RPAP3: variants seen among roughly 807,000 people sequenced by gnomAD.
RPAP3 encodes the protein RNA polymerase II associated protein 3, also known as RNA polymerase II-associated protein 3.
A neutral mutation model predicts 88.8 loss-of-function variants in RPAP3; 58 were observed. The observed-to-expected ratio is 0.65, with a 90% CI of 0.53 to 0.81. RPAP3 has a LOEUF of 0.81. RPAP3 is among the 40% of genes least tolerant of loss of function. The pLI is 0.00. For missense variants in RPAP3, 751 were observed against 764.3 expected (o/e 0.98, Z 0.20); for synonymous variants, 255 against 259.9 (o/e 0.98, Z 0.18).
chr12:47,679,425 G>T (rs946132498), intron 12 of RPAP3, 68 bp downstream of exon 12: 8 of 1,010,640 alleles, frequency 7.9e-6, no homozygotes, highest in African/African-American at 1.6e-5. Context: ...TAATACAATA[G>T]TTGGTTTCCA....
intron 10 of RPAP3, among the ~76,000 whole-genome samples, chr12:47,680,843 A>T (rs554171234): frequency 0.02 from 1,888 of 96,282 alleles, 42 homozygotes; most frequent in African/African-American, 0.076. Flanking sequence ...AGAGTTTTTT[A>T]AAAAAAAAAA....
chr12:47,667,811 T>C lies in RPAP3; in HGVS notation c.1754A>G (p.Asn585Ser). 6.2e-7 allele frequency: 1 copy of C among 1,608,334 alleles called. No homozygotes were observed. The highest frequency in any genetic ancestry group is 1.1e-5 in the South Asian group (1 of 90,064). The change falls in exon 15 of 17, where the codon AAT (asparagine) becomes AGT (serine). Residue 585 changes from asparagine to serine, a missense_variant. Physicochemically the swap from Asn to Ser is conservative, Grantham distance 46 (BLOSUM62 1). Transcript: ENST00000005386. ...PSLYPKLFQKNLDPDVFNQIV... is the reference protein window; with the variant it reads ...PSLYPKLFQKSLDPDVFNQIV... ...CTGGTTGAATACATCTGGATCCAGA[T>C]TTTTCTGAAACAACTTAGGATACAA...
intron 1 of RPAP3, among the ~76,000 whole-genome samples, chr12:47,705,491 C>T (rs535556200): frequency 3.3e-5 from 5 of 152,364 alleles, no homozygotes; most frequent in South Asian, 2.1e-4. Context: ...TCACCCATCA[C>T]CGCTGCTGCT....
Position 47,688,328 on chromosome 12 carries a change from G to A in RPAP3, c.739-327C>T, listed in dbSNP as rs11830377. On this transcript the variant is annotated intron_variant, in intron 7 of 16. Coordinates refer to ENST00000005386, the MANE Select transcript of RPAP3 (RefSeq NM_024604.3). ...AACAGACACTATAGACTACCTGTTG[G>A]GGAGAGAAACATTGGGGTGGGGAGG... Among the ~76,000 whole-genome samples the A allele has an allele frequency of 6.0e-3, 914 of 151,920 alleles. 12 individuals carry two copies. The highest frequency in any genetic ancestry group is 0.021 in the African/African-American group (860 of 41,418).
At position 47,687,943 on chromosome 12, in the gene RPAP3, G is replaced by T. The variant is rs1286245368; in HGVS notation, c.797C>A (p.Thr266Lys). The change falls in exon 8 of 17, where the codon ACA becomes AAA. Residue 266 changes from threonine (T) to lysine (K), a missense_variant. Coordinates refer to ENST00000005386, the MANE Select transcript of RPAP3 (RefSeq NM_024604.3). Reference protein sequence around the residue: ...PKEADIVIKSTEGERKQIEAQ... With the variant: ...PKEADIVIKSKEGERKQIEAQ... ...TTCAATTTGCTTTCGCTCTCCTTCT[G>T]TTGACTTAATCACTATGTCAGCTTC... is the stretch of plus-strand genomic sequence containing the variant. 1.9e-6 allele frequency: 3 copies of T among 1,613,484 alleles called. No individual in the cohort carries two copies. The highest frequency in any genetic ancestry group is 2.7e-5 in the African/African-American group (2 of 74,886).
chr12:47,672,061 T>C (rs1939010320), intron 12 of RPAP3, among the ~76,000 whole-genome samples: 1 of 151,864 alleles, frequency 6.6e-6, no homozygotes, highest in Non-Finnish European at 1.5e-5. Flanking sequence ...AGGTGAAGTT[T>C]TGACATCAGG....
rs778608264 is a variant in RPAP3, at chr12:47,667,864, AT to A, written c.1714-14del. ...ATGGTTCAATTTGCTTGAAAAAAAA[AT>A]AAAAAGACAATTACTTGATGGCAAC... On this transcript the variant is annotated splice_polypyrimidine_tract_variant and intron_variant, in intron 14 of 16. Coordinates refer to ENST00000005386, the MANE Select transcript of RPAP3 (RefSeq NM_024604.3). 47 of 1,504,050 alleles carry A rather than the reference AT, an allele frequency of 3.1e-5. No homozygotes were observed. The highest frequency in any genetic ancestry group is 4.1e-5 in the Non-Finnish European group (45 of 1,090,526). The allele number at this position is 1,504,050 out of a possible 1,614,324, so 93.2% of individuals were successfully genotyped here. A position where few individuals can be genotyped will look rare whatever the true frequency, so the allele number is the denominator to read the frequency against.
Position 47,690,593 on chromosome 12 carries a change from T to C in RPAP3, c.592A>G (p.Arg198Gly). The C allele has an allele frequency of 6.3e-7, 1 of 1,590,404 alleles. No individual in the cohort carries two copies. Among genetic ancestry groups the C allele is most frequent in the Non-Finnish European group, 8.6e-7 (1 of 1,166,250 alleles). ...CTGGAATAAGCCTTTGTATAACTTC[T>C]ATTCAAGGCAACTGCTAAATTACAA... ...SDCNLAVALNRSYTKAYSRRG... is the reference protein window; with the variant it reads ...SDCNLAVALNGSYTKAYSRRG... Residue 198 changes from arginine (R) to glycine (G), a missense_variant, in exon 6 of 17, where the codon AGA becomes GGA. Coordinates refer to ENST00000005386, the MANE Select transcript of RPAP3 (RefSeq NM_024604.3).
In RPAP3 at chr12:47,686,828, T is replaced by G; in HGVS notation, c.944A>C (p.Asn315Thr). Residue 315 changes from asparagine to threonine, a missense_variant, in exon 9 of 17, where the codon AAT becomes ACT. By Grantham distance (65) the Asn-to-Thr change is moderately conservative (BLOSUM62 0). Transcript: ENST00000005386. ...YTRGIAADGA[N>T]ALLPANRAMA... ...AGCTCTGTTAGCTGGAAGAAGGGCA[T>G]TAGCACCATCTGCTGCTATCCCTCG... 6.2e-7 allele frequency: 1 copy of G among 1,606,994 alleles called. No homozygotes were observed. Among genetic ancestry groups the G allele is most frequent in the Non-Finnish European group, 8.5e-7 (1 of 1,176,820 alleles).
At position 47,663,507 on chromosome 12, in the gene RPAP3, A is replaced by T; in HGVS notation, c.1996T>A (p.Ter666ArgextTer7). Reference protein sequence around the residue: ...VEELKKRYGG* With the variant: ...VEELKKRYGGR Reference sequence around the variant, plus strand: ...AATTATTTCAGCAAAAATGGAAATCAACCACCGTATCTTTTCTTGAGTTCT... The same window carrying T: ...AATTATTTCAGCAAAAATGGAAATCTACCACCGTATCTTTTCTTGAGTTCT... Residue 666 changes from the stop codon to arginine, a stop_lost, in exon 17 of 17, where the codon TGA becomes AGA. Transcript: ENST00000005386. 6.3e-7 allele frequency: 1 copy of T among 1,577,738 alleles called. No homozygotes were observed. The highest frequency in any genetic ancestry group is 8.6e-7 in the Non-Finnish European group (1 of 1,159,862).
intron 12 of RPAP3, among the ~76,000 whole-genome samples, chr12:47,676,644 T>A (rs1939122171): frequency 6.6e-6 from 1 of 152,156 alleles, no homozygotes; most frequent in African/African-American, 2.4e-5. Flanking sequence ...CTAGAAAATG[T>A]AGGAGGAATG....
At chr12:47,685,658 C>A (rs904159081) in intron 9 of RPAP3, among the ~76,000 whole-genome samples, 3 of 152,186 alleles carry the variant, frequency 2.0e-5, no homozygotes, top group African/African-American at 7.2e-5. Context: ...ATTCCCTATC[C>A]ACACTTGCTT....
intron 12 of RPAP3, among the ~76,000 whole-genome samples, chr12:47,672,696 C>A (rs1231976316): frequency 2.0e-5 from 3 of 152,104 alleles, no homozygotes; most frequent in African/African-American, 7.2e-5. Context: ...CACTAGGATA[C>A]TAACTTTGTT....
At chr12:47,684,333 AC>A (rs1939281854) in intron 9 of RPAP3, among the ~76,000 whole-genome samples, 1 of 152,162 alleles carries the variant, frequency 6.6e-6, no homozygotes. Context: ...CCCTACTGCT[AC>A]CCCGCACACT....
chr12:47,686,529 A>AACACACACACAC (rs145977883), intron 9 of RPAP3, among the ~76,000 whole-genome samples: 2 of 94,608 alleles, frequency 2.1e-5, no homozygotes, highest in Admixed American at 1.2e-4. Context: ...CAGGTACATA[A>AACACACACACAC]ACACACACAT....
rs769660869 is a variant in RPAP3 at position 47,679,632 on chromosome 12, T to G, written c.1186-38A>C. The stretch of plus-strand genomic sequence containing the variant: ...TTTATAACCCTAACTTTCAAAATAT[T>G]TATTATACAACAAATAAATATATTT... On this transcript the variant is annotated intron_variant, in intron 11 of 16. Transcript: ENST00000005386. 4.5e-5 allele frequency: 69 copies of G among 1,522,562 alleles called. No individual in the cohort carries two copies. In the South Asian group the frequency reaches 6.3e-4, roughly 14 times the overall value. 94.3% of individuals were successfully genotyped at this position (1,522,562 alleles called of 1,614,324 possible). A position where few individuals can be genotyped will look rare whatever the true frequency, so the allele number is the denominator to read the frequency against.
intron 12 of RPAP3, among the ~76,000 whole-genome samples, chr12:47,674,344 C>G (rs1251954941): frequency 1.3e-5 from 2 of 152,134 alleles, no homozygotes; most frequent in Non-Finnish European, 2.9e-5. Context: ...CTATTCTCTT[C>G]CAAAGGAACA....
intron 3 of RPAP3, chr12:47,699,644 C>T (rs1024981926): frequency 5.9e-5 from 9 of 152,158 alleles, no homozygotes; most frequent in African/African-American, 1.9e-4. Context: ...CAAATCCCCT[C>T]TAGGGTGCTT....
chr12:47,692,027 T>C (rs1441197659), intron 5 of RPAP3, among the ~76,000 whole-genome samples: 2 of 152,312 alleles, frequency 1.3e-5, no homozygotes, highest in Admixed American at 6.5e-5. Context: ...TTCTAAGCAG[T>C]AGGTCTCAAC....
Sources: gnomAD v4.1 joint callset for allele counts (sites outside exome capture counted in the v4.1 genomes callset) on GRCh38, gnomAD v4.1.1 for gene constraint, MANE v1.5 for transcripts, NCBI Gene and HGNC (gene_info 2026-07-23, HGNC 2026-07-21) for gene names.